Variants in PCMTD1 observed in about 807,000 individuals in gnomAD.
PCMTD1 encodes protein-L-isoaspartate O-methyltransferase domain-containing protein 1.
PCMTD1 carries 12 observed loss-of-function variants against 37.6 expected under a neutral mutation model. That is an observed-to-expected ratio of 0.32 (90% CI 0.20 to 0.52). The LOEUF (loss-of-function observed/expected upper bound fraction) is 0.52, where lower values mean the gene tolerates loss of function less well. PCMTD1 is among the 20% of genes least tolerant of loss of function. The pLI is 0.97. For synonymous variants in PCMTD1, 117 were observed against 135.8 expected, an observed-to-expected ratio of 0.86 and a Z score of 0.96; for missense variants, 235 against 421.3, an observed-to-expected ratio of 0.56 and a Z score of 3.87.
At chr8:51,822,445 C>T (rs568456292) in intron 5 of PCMTD1, among the ~76,000 whole-genome samples, 1 of 152,148 alleles carries the variant, frequency 6.6e-6, no homozygotes, top group South Asian at 2.1e-4. Flanking sequence ...ACTGACATGA[C>T]AAAGATACAG....
At chr8:51,882,337 C>G (rs1003701097) in intron 1 of PCMTD1, among the ~76,000 whole-genome samples, 1 of 152,170 alleles carries the variant, frequency 6.6e-6, no homozygotes, top group African/African-American at 2.4e-5. Context: ...ATTACTTCCT[C>G]GGAAGCCCCG....
chr8:51,840,372 C>T (rs1000838831), intron 3 of PCMTD1, among the ~76,000 whole-genome samples: 2 of 152,124 alleles, frequency 1.3e-5, no homozygotes, highest in African/African-American at 4.8e-5. Context: ...AACCGATAGT[C>T]CTGACAACTA....
At chr8:51,866,933 T>C (rs1281591078) in intron 1 of PCMTD1, among the ~76,000 whole-genome samples, 2 of 151,810 alleles carry the variant, frequency 1.3e-5, no homozygotes, top group South Asian at 2.1e-4. Flanking sequence ...TTGCAACCCA[T>C]ACATCTGATA....
At chr8:51,847,740 T>C (rs1360950874) in intron 2 of PCMTD1, among the ~76,000 whole-genome samples, 1 of 152,188 alleles carries the variant, frequency 6.6e-6, no homozygotes, top group Non-Finnish European at 1.5e-5. Context: ...TTTAGGGTGA[T>C]CCATTGACTA....
intron 2 of PCMTD1, among the ~76,000 whole-genome samples, chr8:51,848,746 A>T (rs973010524): frequency 1.5e-4 from 23 of 152,186 alleles, no homozygotes; most frequent in Admixed American, 5.9e-4. Flanking sequence ...GAATTTGACA[A>T]ACAATATAAA....
At chr8:51,869,352 C>T (rs1276541244) in intron 1 of PCMTD1, among the ~76,000 whole-genome samples, 2 of 152,034 alleles carry the variant, frequency 1.3e-5, no homozygotes, top group Admixed American at 6.6e-5. Flanking sequence ...GGTGTAGCCA[C>T]GGTTCCACAG....
intron 3 of PCMTD1, among the ~76,000 whole-genome samples, chr8:51,837,373 ATATACTATTACTAAAT>A (rs770223782): frequency 3.9e-5 from 6 of 152,160 alleles, no homozygotes; most frequent in Non-Finnish European, 8.8e-5. Context: ...TCAAAAAGGG[ATATACTATTACTAAAT>A]TTAAAAATAA....
intron 1 of PCMTD1, among the ~76,000 whole-genome samples, chr8:51,885,807 T>C (rs1332780606): frequency 1.5e-5 from 1 of 66,646 alleles, no homozygotes; most frequent in Non-Finnish European, 7.9e-5. Flanking sequence ...GACAGCCTTA[T>C]GTCTCTACAG....
intron 3 of PCMTD1, among the ~76,000 whole-genome samples, chr8:51,836,330 A>G (rs1407935089): frequency 1.3e-5 from 2 of 152,244 alleles, no homozygotes; most frequent in Non-Finnish European, 2.9e-5. Context: ...TTTTAGAACA[A>G]TGTAAAATAT....
At chr8:51,898,138 T>C (rs2039035422) in intron 1 of PCMTD1, among the ~76,000 whole-genome samples, 1 of 150,644 alleles carries the variant, frequency 6.6e-6, no homozygotes, top group Admixed American at 6.7e-5. Context: ...GCTAAAAGCA[T>C]ACTTTTTTCC....
chr8:51,848,532 T>C (rs1199349666), intron 2 of PCMTD1, among the ~76,000 whole-genome samples: 1 of 152,226 alleles, frequency 6.6e-6, no homozygotes, highest in African/African-American at 2.4e-5. Context: ...TTCAAAGTTC[T>C]AGGCTCTCAG....
At chr8:51,822,051 G>A (rs1367597294) in intron 5 of PCMTD1, among the ~76,000 whole-genome samples, 1 of 152,070 alleles carries the variant, frequency 6.6e-6, no homozygotes, top group Non-Finnish European at 1.5e-5. Flanking sequence ...GCTTTCTATT[G>A]GGTGGTCATA....
chr8:51,886,065 A>C (rs549838899), intron 1 of PCMTD1, among the ~76,000 whole-genome samples: 25 of 152,242 alleles, frequency 1.6e-4, no homozygotes, highest in Non-Finnish European at 2.4e-4. Flanking sequence ...TCTTTCCTCC[A>C]AACTGGTAAG....
rs1358315246 is a variant in PCMTD1 at position 51,818,419 on chromosome 8, A to AAAG, written c.*1931_*1932insCTT. 1 of 153,324 alleles carries AAAG rather than the reference A, an allele frequency of 6.5e-6. No homozygotes were observed. Among genetic ancestry groups the AAAG allele is most frequent in the Non-Finnish European group, 1.5e-5 (1 of 68,908 alleles). 9.5% of individuals were successfully genotyped at this position (153,324 alleles called of 1,614,324 possible). On this transcript the variant is annotated 3_prime_UTR_variant, in exon 6 of 6. Coordinates refer to ENST00000522514, the MANE Select transcript of PCMTD1 (RefSeq NM_052937.4). ...AACAGCAGCTCCAACCAAAAAAAAAAAAAAAAACAAGCAGGGGAGATGGGA... is the reference window on the plus strand; with the variant it reads ...AACAGCAGCTCCAACCAAAAAAAAAAAAGAAAAAAACAAGCAGGGGAGATGGGA...
intron 5 of PCMTD1, among the ~76,000 whole-genome samples, chr8:51,823,974 AG>A (rs1449274715): frequency 6.6e-6 from 1 of 152,228 alleles, no homozygotes; most frequent in Non-Finnish European, 1.5e-5. Flanking sequence ...GATGCAGAAA[AG>A]GCCTTTGACA....
Position 51,820,238 on chromosome 8 carries a change from T to TC in PCMTD1, c.*112dup, listed in dbSNP as rs2037823214. On this transcript the variant is annotated 3_prime_UTR_variant, in exon 6 of 6. Transcript: ENST00000522514. ...ACTGACAGAAACAAGTGATTTTTTT[T>TC]CCACTATAATTTGCTCTGATGAAAG... 18 of 937,688 alleles carry TC rather than the reference T, an allele frequency of 1.9e-5. No individual in the cohort carries two copies. The highest frequency in any genetic ancestry group is 1.4e-4 in the South Asian group (5 of 35,982). The allele number at this position is 937,688 out of a possible 1,614,324, so 58.1% of individuals were successfully genotyped here.
chr8:51,855,096 C>T (rs1338270266), intron 2 of PCMTD1, among the ~76,000 whole-genome samples: 4 of 149,572 alleles, frequency 2.7e-5, no homozygotes, highest in South Asian at 4.2e-4. Context: ...ATAGCTTGAA[C>T]GTGGAAGGCG....
rs545912209 is a variant in PCMTD1 at position 51,845,469 on chromosome 8, T to C, written c.410+192A>G. The C allele has an allele frequency of 5.8e-4, 247 of 428,392 alleles. 13 individuals carry two copies. In the South Asian group the frequency reaches 6.5e-3, roughly 11 times the overall value. The allele number at this position is 428,392 out of a possible 1,614,324, so 26.5% of individuals were successfully genotyped here. A position where few individuals can be genotyped will look rare whatever the true frequency, so the allele number is the denominator to read the frequency against. On this transcript the variant is annotated intron_variant, in intron 3 of 5. Transcript: ENST00000522514. ...TAGTAGCAAAAAATCACATTATTTA[T>C]AATTTACTATAGAATTACATATAGT...
chr8:51,858,477 G>A (rs961699041), intron 2 of PCMTD1, among the ~76,000 whole-genome samples: 1 of 152,194 alleles, frequency 6.6e-6, no homozygotes, highest in Non-Finnish European at 1.5e-5. Context: ...ATCACAGGGA[G>A]CATGTGAGCA....
Sources: allele counts gnomAD v4.1 joint callset (sites outside exome capture counted in the v4.1 genomes callset), GRCh38; gene constraint gnomAD v4.1.1; transcripts MANE v1.5; gene names NCBI Gene and HGNC (gene_info 2026-07-23, HGNC 2026-07-21).